AKT1: variants seen among roughly 807,000 people sequenced by gnomAD.
The protein encoded by AKT1 is RAC-alpha serine/threonine-protein kinase.
A neutral mutation model predicts 63.1 loss-of-function variants in AKT1; 21 were observed. The ratio of observed to expected loss-of-function variants is 0.33; its 90% confidence interval spans 0.24 to 0.48. The LOEUF (loss-of-function observed/expected upper bound fraction) is 0.48. AKT1 is among the 20% of genes least tolerant of loss of function. AKT1 has a pLI of 0.99. For synonymous variants in AKT1, 257 were observed against 253.1 expected (o/e 1.02, Z -0.15); for missense variants, 382 against 666.0 (o/e 0.57, Z 4.69).
chr14:104,789,595 C>A (rs932613288), intron 3 of AKT1, among the ~76,000 whole-genome samples: 1 of 152,240 alleles, frequency 6.6e-6, no homozygotes, highest in Non-Finnish European at 1.5e-5. Flanking sequence ...TGTCAGCCTT[C>A]AAAAATCAGG....
intron 13 of AKT1, 120 bp from the exon 14 acceptor site, chr14:104,770,967 T>TTG (rs1892351347): frequency 5.9e-6 from 5 of 854,260 alleles, no homozygotes; most frequent in Non-Finnish European, 7.4e-6. Context: ...GCAGGACTGA[T>TTG]GTCAGAGAGC....
chr14:104,769,710 C>T lies in AKT1; in HGVS notation c.*631G>A, dbSNP rs970351428. 16 of 414,144 alleles carry T rather than the reference C, an allele frequency of 3.9e-5. No homozygotes were observed. The highest frequency in any genetic ancestry group is 2.9e-4 in the African/African-American group (14 of 48,304). The allele number at this position is 414,144 out of a possible 1,614,324, so 25.7% of individuals were successfully genotyped here. A position where few individuals can be genotyped will look rare whatever the true frequency, so the allele number is the denominator to read the frequency against. ...AAATGCATTTGAACAACATAATACA[C>T]AATAACAAATTTAAACCTTGCTCCT... On this transcript the variant is annotated 3_prime_UTR_variant, in exon 15 of 15. Coordinates refer to ENST00000649815, the MANE Select transcript of AKT1 (RefSeq NM_001382430.1).
chr14:104,775,780 T>C lies in AKT1; in HGVS notation c.307A>G (p.Ile103Val), dbSNP rs1281415838. The C allele has an allele frequency of 6.2e-7, 1 of 1,613,884 alleles. No individual in the cohort carries two copies. The highest frequency in any genetic ancestry group is 8.5e-7 in the Non-Finnish European group (1 of 1,179,952). Residue 103 changes from isoleucine (I) to valine (V), a missense_variant, in exon 6 of 15, where the codon ATC becomes GTC. By Grantham distance (29) the Ile-to-Val change is conservative (BLOSUM62 3). Around this residue, in one of 3 missense-constraint regions of AKT1, gnomAD observed 226 missense variants for 366.4 expected, o/e 0.62. Transcript: ENST00000649815. ...TTGAGGCCGTCAGCCACAGTCTGGA[T>C]GGCGGTTGTCCACTCCTCCCTGCAG... is the stretch of plus-strand genomic sequence containing the variant. ...PEEREEWTTA[I>V]QTVADGLKKQ...
chr14:104,773,436 T>TGCCTGCCC lies in AKT1; in HGVS notation c.828+11_828+18dup. The TGCCTGCCC allele has an allele frequency of 6.2e-7, 1 of 1,613,788 alleles. No individual in the cohort carries two copies. The highest frequency in any genetic ancestry group is 8.5e-7 in the Non-Finnish European group (1 of 1,179,800). On this transcript the variant is annotated intron_variant, in intron 10 of 14. Transcript: ENST00000649815. The stretch of plus-strand genomic sequence containing the variant: ...CCAGGCCCCCAGGGCCCTGCCCCCC[T>TGCCTGCCC]GCCTGCCCGCCAGCGCACCTTGAGG...
At chr14:104,781,782 G>A (rs1893061559) in intron 3 of AKT1, among the ~76,000 whole-genome samples, 2 of 152,192 alleles carry the variant, frequency 1.3e-5, no homozygotes. Flanking sequence ...GTCTGGGGTG[G>A]ACCAGGAAGG....
At chr14:104,781,999 G>T (rs1023791197) in intron 3 of AKT1, among the ~76,000 whole-genome samples, 1 of 152,182 alleles carries the variant, frequency 6.6e-6, no homozygotes, top group Non-Finnish European at 1.5e-5. Flanking sequence ...GCCGGCTCCT[G>T]TCCCTGACCT....
chr14:104,776,545 C>T, intron 5 of AKT1, 114 bp downstream of exon 5: 2 of 857,964 alleles, frequency 2.3e-6, no homozygotes, highest in African/African-American at 1.7e-5. Flanking sequence ...GGCCTGGGAG[C>T]ACTGGGGAGT....
chr14:104,772,807 C>T lies in AKT1; in HGVS notation c.1172+71G>A, dbSNP rs35622471. Reference sequence around the variant, plus strand: ...TCTGGGAGGTGCCAGGACCGCCTGGCGCAGGGGCAGGTGCAGCCTGGGGAT... The same window carrying T: ...TCTGGGAGGTGCCAGGACCGCCTGGTGCAGGGGCAGGTGCAGCCTGGGGAT... On this transcript the variant is annotated intron_variant, in intron 12 of 14. Transcript: ENST00000649815. 1.7e-3 allele frequency: 2,553 copies of T among 1,496,456 alleles called. 48 individuals are homozygous for T. The African/African-American group carries it at 0.032, about 19-fold the overall frequency. The allele number at this position is 1,496,456 out of a possible 1,614,324, so 92.7% of individuals were successfully genotyped here.
chr14:104,774,862 A>T, intron 8 of AKT1, 76 bp downstream of exon 8: 1 of 1,489,594 alleles, frequency 6.7e-7, no homozygotes, highest in Non-Finnish European at 9.1e-7. Context: ...AGAAGACAGG[A>T]CATCGTCCCC....
intron 6 of AKT1, 110 bp from the exon 7 acceptor site, chr14:104,775,317 G>A: frequency 1.3e-6 from 2 of 1,548,744 alleles, no homozygotes. Context: ...GCCAGGAGAG[G>A]CGTCCACTTC....
chr14:104,770,490 T>G, intron 14 of AKT1, 70 bp from the exon 15 acceptor site: 1 of 1,434,442 alleles, frequency 7.0e-7, no homozygotes, highest in South Asian at 1.3e-5. Flanking sequence ...ACAGCTCCAG[T>G]AGGAAGCCAA....
Position 104,769,935 on chromosome 14 carries a change from CCA to C in AKT1, c.*404_*405del, listed in dbSNP as rs1402397226. ...CCAGGTTGAACTGAGGCCCAGGGCC[CCA>C]GAGAGATGACAGATAGCTGGTGACA... is the stretch of plus-strand genomic sequence containing the variant. On this transcript the variant is annotated 3_prime_UTR_variant, in exon 15 of 15. Transcript: ENST00000649815. 7.3e-6 allele frequency: 3 copies of C among 411,522 alleles called. No individual in the cohort carries two copies. The highest frequency in any genetic ancestry group is 4.1e-5 in the African/African-American group (2 of 49,204). 25.5% of individuals were successfully genotyped at this position (411,522 alleles called of 1,614,324 possible). A position where few individuals can be genotyped will look rare whatever the true frequency, so the allele number is the denominator to read the frequency against.
rs61759774 is a variant in AKT1 at position 104,788,677 on chromosome 14, C to G, written c.46+3921G>C. On this transcript the variant is annotated intron_variant, in intron 3 of 14. Coordinates refer to ENST00000649815, the MANE Select transcript of AKT1 (RefSeq NM_001382430.1). ...CTCTCTCCCTGCCTCAGTGCCCCCC[C>G]GCAGGGACAGCCAGTGCCAGGACTT... Among the ~76,000 whole-genome samples, 143 of 152,302 alleles carry G rather than the reference C, an allele frequency of 9.4e-4. 1 individual carries two copies. Among genetic ancestry groups the G allele is most frequent in the African/African-American group, 3.0e-3 (124 of 41,564 alleles).
intron 5 of AKT1, chr14:104,776,068 C>CCCCA (rs1258659558): frequency 1.6e-5 from 6 of 375,440 alleles, no homozygotes; most frequent in African/African-American, 1.6e-4. Flanking sequence ...CTCCGCCCCC[C>CCCCA]AGCAGGACTC....
At chr14:104,772,069 G>A in intron 13 of AKT1, 1 of 525,204 alleles carries the variant, frequency 1.9e-6, no homozygotes, top group Non-Finnish European at 3.4e-6. Context: ...CCCAAGGCTG[G>A]CACTCAGAGT....
At chr14:104,776,853 G>T in intron 4 of AKT1, 83 bp from the exon 5 acceptor site, 1 of 1,170,622 alleles carries the variant, frequency 8.5e-7, no homozygotes, top group Admixed American at 2.0e-5. Flanking sequence ...GCACCAGCCA[G>T]CTCCCCTTGC....
chr14:104,780,284 A>G (rs2140950990), intron 3 of AKT1, 68 bp from the exon 4 acceptor site: 2 of 1,580,986 alleles, frequency 1.3e-6, no homozygotes, highest in Non-Finnish European at 1.7e-6. Flanking sequence ...GCAGCCAGGC[A>G]GGAACTGGGT....
chr14:104,780,025 G>C, intron 4 of AKT1, 63 bp downstream of exon 4: 1 of 1,584,750 alleles, frequency 6.3e-7, no homozygotes, highest in African/African-American at 1.3e-5. Flanking sequence ...GGGGCCTGGT[G>C]GGCAAAGAGG....
rs2140901197 is a variant in AKT1 at position 104,772,964 on chromosome 14, G to A, written c.1086C>T (p.Leu362=). 6.2e-7 allele frequency: 1 copy of A among 1,614,142 alleles called. No homozygotes were observed. Among genetic ancestry groups the A allele is most frequent in the Non-Finnish European group, 8.5e-7 (1 of 1,180,032 alleles). The part of the protein sequence containing the change: ...QDHEKLFELI[L]MEEIRFPRTL... ...TGCGCGGGAAGCGGATCTCCTCCAT[G>A]AGGATGAGCTCAAAAAGCTTCTCAT... The change falls in exon 12 of 15, where the codon CTC becomes CTT. Residue 362 remains leucine, a synonymous_variant. Transcript: ENST00000649815.
Sources: allele counts gnomAD v4.1 joint callset (sites outside exome capture counted in the v4.1 genomes callset), GRCh38; gene constraint gnomAD v4.1.1; regional missense constraint gnomAD v4.1.1; transcripts MANE v1.5; gene names NCBI Gene and HGNC (gene_info 2026-07-23, HGNC 2026-07-21).